The following TVP23B variants were observed in gnomAD, a reference collection of about 807,000 sequenced individuals.
The protein encoded by TVP23B is trans-golgi network vesicle protein 23 homolog B.
In TVP23B, 10 loss-of-function variants were observed where a neutral mutation model predicts 30.6. The ratio of observed to expected loss-of-function variants is 0.33; its 90% CI spans 0.20 to 0.55. The LOEUF (loss-of-function observed/expected upper bound fraction) is 0.55. Ranked by LOEUF, TVP23B falls within the 20% of genes least tolerant of loss-of-function variation. The probability of loss-of-function intolerance (pLI) is 0.91; values close to 1 mark genes in which losing one functional copy is unlikely to be tolerated. For synonymous variants in TVP23B, 67 were observed against 83.1 expected, an observed-to-expected ratio of 0.81 and a Z score of 1.06; for missense variants, 153 against 243.2, an observed-to-expected ratio of 0.63 and a Z score of 2.47.
At chr17:18,789,944 T>A (rs935344108) in intron 2 of TVP23B, among the ~76,000 whole-genome samples, 2 of 152,168 alleles carry the variant, frequency 1.3e-5, no homozygotes, top group African/African-American at 4.8e-5. Flanking sequence ...AATAGGCAAA[T>A]CTGTAGAGAC....
intron 6 of TVP23B, among the ~76,000 whole-genome samples, chr17:18,805,078 C>CT (rs71155360): frequency 0.013 from 1,369 of 108,704 alleles, 34 homozygotes; most frequent in African/African-American, 0.021. Context: ...GTGACTAGGT[C>CT]TTTTTTTTTT....
chr17:18,789,429 A>G lies in TVP23B; in HGVS notation c.89A>G (p.Lys30Arg). ...EETTNRPRKA[K>R]IRHPVASFFH... ...ACGACTAATAGACCAAGAAAAGCCA[A>G]AATCAGGTAGGAGGAGAGAAGTTGC... Residue 30 changes from lysine (K) to arginine (R), a missense_variant, in exon 2 of 7, where the codon AAA (lysine) becomes AGA (arginine). Lys to Arg is a conservative substitution (Grantham distance 26). This residue lies in a region of TVP23B where 38 missense variants were observed against 40.9 expected (regional missense o/e 0.93). Coordinates refer to ENST00000307767, the MANE Select transcript of TVP23B (RefSeq NM_016078.6). The G allele has an allele frequency of 6.2e-7, 1 of 1,613,996 alleles. No homozygotes were observed. The highest frequency in any genetic ancestry group is 1.3e-5 in the African/African-American group (1 of 75,048).
At chr17:18,794,410 C>G (rs543159900) in intron 3 of TVP23B, among the ~76,000 whole-genome samples, 19 of 152,220 alleles carry the variant, frequency 1.2e-4, no homozygotes, top group Admixed American at 1.2e-3. Flanking sequence ...TTTTAAAAAG[C>G]GAACTACTAC....
At chr17:18,785,972 A>G (rs1229333041) in intron 1 of TVP23B, among the ~76,000 whole-genome samples, 1 of 152,144 alleles carries the variant, frequency 6.6e-6, no homozygotes, top group Non-Finnish European at 1.5e-5. Flanking sequence ...GGGGTTAAAC[A>G]TCAAGGTGTG....
rs531414832 is a variant in TVP23B at position 18,806,076 on chromosome 17, C to T, written c.*509C>T. The T allele has an allele frequency of 1.3e-4, 129 of 980,318 alleles. No individual in the cohort carries two copies. The highest frequency in any genetic ancestry group is 3.0e-4 in the African/African-American group (17 of 57,238). 60.7% of individuals were successfully genotyped at this position (980,318 alleles called of 1,614,324 possible). A position where few individuals can be genotyped will look rare whatever the true frequency, so the allele number is the denominator to read the frequency against. On this transcript the variant is annotated 3_prime_UTR_variant, in exon 7 of 7. Coordinates refer to ENST00000307767, the MANE Select transcript of TVP23B (RefSeq NM_016078.6). The stretch of plus-strand genomic sequence containing the variant: ...AATTGTTAGTTTTTAATATGCACTT[C>T]GTGGGGAAATTTCTTAGACGTATGC...
chr17:18,798,438 C>T, intron 4 of TVP23B, among the ~76,000 whole-genome samples: 1 of 151,682 alleles, frequency 6.6e-6, no homozygotes, highest in East Asian at 1.9e-4. Context: ...CTAATTTGAC[C>T]TTTTAGTCTC....
At chr17:18,805,468 A>G in intron 6 of TVP23B, 73 bp from the exon 7 acceptor site, 1 of 1,589,858 alleles carries the variant, frequency 6.3e-7, no homozygotes, top group Non-Finnish European at 8.5e-7. Context: ...TCCTAGGCCT[A>G]GTCCCCAAGT....
At chr17:18,802,078 C>T (rs534590113) in intron 5 of TVP23B, among the ~76,000 whole-genome samples, 3 of 151,982 alleles carry the variant, frequency 2.0e-5, no homozygotes, top group South Asian at 4.2e-4. Flanking sequence ...AAAAATTAGC[C>T]GGGTGTGGTG....
intron 3 of TVP23B, among the ~76,000 whole-genome samples, chr17:18,794,013 AG>A (rs2036038703): frequency 6.6e-6 from 1 of 151,904 alleles, no homozygotes; most frequent in South Asian, 2.1e-4. Flanking sequence ...GAACAGAAAA[AG>A]GTGATTTTAT....
At chr17:18,781,533 T>A in intron 1 of TVP23B, 1 of 657,584 alleles carries the variant, frequency 1.5e-6, no homozygotes, top group South Asian at 2.6e-5. Context: ...TTCTTGCGGC[T>A]GTGGGGACGC....
At chr17:18,804,319 A>G (rs750503234) in intron 6 of TVP23B, 53 bp downstream of exon 6, 8 of 1,560,980 alleles carry the variant, frequency 5.1e-6, no homozygotes, top group East Asian at 4.6e-5. Flanking sequence ...TCTAACTTTC[A>G]TAGTTTAATT....
chr17:18,804,459 A>G (rs2036218035), intron 6 of TVP23B, 193 bp downstream of exon 6: 1 of 1,263,294 alleles, frequency 7.9e-7, no homozygotes. Context: ...TCCTAAAATT[A>G]TTTTAAAGCC....
Position 18,806,033 on chromosome 17 carries a change from T to G in TVP23B, c.*466T>G. 1 of 974,656 alleles carries G rather than the reference T, an allele frequency of 1.0e-6. No individual in the cohort carries two copies. The allele number at this position is 974,656 out of a possible 1,614,324, so 60.4% of individuals were successfully genotyped here. ...TATGGTAAGAGTGAGCACTTTGGCT[T>G]ATGTATAAGTTAGAAATAATTGTTA... On this transcript the variant is annotated 3_prime_UTR_variant, in exon 7 of 7. Transcript: ENST00000307767.
At chr17:18,785,224 A>G (rs571989864) in intron 1 of TVP23B, among the ~76,000 whole-genome samples, 22 of 152,108 alleles carry the variant, frequency 1.4e-4, no homozygotes, top group Non-Finnish European at 1.8e-4. Flanking sequence ...AAACACTCCA[A>G]TGGATCTCCC....
In TVP23B at chr17:18,781,529, C is replaced by A. The variant is rs532770025; in HGVS notation, c.12+224C>A. On this transcript the variant is annotated intron_variant, in intron 1 of 6. Transcript: ENST00000307767. Reference sequence around the variant, plus strand: ...TGCGGCGCAGAGCAAGTACTTCTTGCGGCTGTGGGGACGCCCATTGTTAAC... The same window carrying A: ...TGCGGCGCAGAGCAAGTACTTCTTGAGGCTGTGGGGACGCCCATTGTTAAC... 1.6e-5 allele frequency: 11 copies of A among 692,100 alleles called. No individual in the cohort carries two copies. In the South Asian group the frequency reaches 2.8e-4, roughly 18 times the overall value. 42.9% of individuals were successfully genotyped at this position (692,100 alleles called of 1,614,324 possible).
At chr17:18,800,488 A>C (rs2036143433) in intron 5 of TVP23B, among the ~76,000 whole-genome samples, 1 of 152,158 alleles carries the variant, frequency 6.6e-6, no homozygotes, top group African/African-American at 2.4e-5. Context: ...GACTATTCTT[A>C]AATGATGACC....
intron 3 of TVP23B, among the ~76,000 whole-genome samples, chr17:18,795,231 T>C (rs2036060409): frequency 6.6e-6 from 1 of 151,954 alleles, no homozygotes; most frequent in Non-Finnish European, 1.5e-5. Flanking sequence ...TTCACTATGT[T>C]AGCCAGGCTG....
At chr17:18,797,251 A>T in intron 3 of TVP23B, 1 of 290,702 alleles carries the variant, frequency 3.4e-6, no homozygotes, top group South Asian at 3.6e-5. Context: ...CAGGATGTAA[A>T]GTAGGTCACA....
intron 6 of TVP23B, 74 bp from the exon 7 acceptor site, chr17:18,805,467 T>C: frequency 6.3e-7 from 1 of 1,590,328 alleles, no homozygotes; most frequent in Non-Finnish European, 8.5e-7. Flanking sequence ...TTCCTAGGCC[T>C]AGTCCCCAAG....
Sources: allele counts gnomAD v4.1 joint callset (sites outside exome capture counted in the v4.1 genomes callset), GRCh38; gene constraint gnomAD v4.1.1; regional missense constraint gnomAD v4.1.1; transcripts MANE v1.5; gene names NCBI Gene and HGNC (gene_info 2026-07-23, HGNC 2026-07-21).